CDK5RAP1: variants seen among roughly 807,000 people sequenced by gnomAD.
The protein encoded by CDK5RAP1 is mitochondrial tRNA methylthiotransferase CDK5RAP1.
CDK5RAP1 carries 62 observed loss-of-function variants against 64.5 expected under a neutral mutation model. The observed-to-expected ratio is 0.96, with a 90% CI of 0.78 to 1.19. CDK5RAP1 has a LOEUF of 1.19. Among genes scored for constraint, CDK5RAP1 ranks in the 50% most tolerant of loss-of-function variants. CDK5RAP1 has a pLI of 0.00. For synonymous variants in CDK5RAP1, 250 were observed against 261.9 expected, an observed-to-expected ratio of 0.95 and a Z score of 0.44; for missense variants, 657 against 735.0, an observed-to-expected ratio of 0.89 and a Z score of 1.23.
At position 33,395,948 on chromosome 20, in the gene CDK5RAP1, A is replaced by G. The variant is rs564793655; in HGVS notation, c.304+813T>C. 3.3e-5 allele frequency among the ~76,000 whole-genome samples: 5 copies of G among 152,252 alleles called. No individual in the cohort carries two copies. The South Asian group carries it at 1.0e-3, about 32-fold the overall frequency. Reference sequence around the variant, plus strand: ...AGAATCACTTGAAGCCAGGAGGCAGAGGTTGCAGTGAGCTGAGATCGCACC... The same window carrying G: ...AGAATCACTTGAAGCCAGGAGGCAGGGGTTGCAGTGAGCTGAGATCGCACC... On this transcript the variant is annotated intron_variant, in intron 2 of 13. Transcript: ENST00000346416.
chr20:33,363,465 C>T (rs1225508360), intron 12 of CDK5RAP1, among the ~76,000 whole-genome samples: 1 of 152,160 alleles, frequency 6.6e-6, no homozygotes, highest in South Asian at 2.1e-4. Flanking sequence ...ACAAGATACA[C>T]ATTACAGTAT....
At chr20:33,397,429 C>G (rs754764718) in intron 1 of CDK5RAP1, among the ~76,000 whole-genome samples, 5 of 152,184 alleles carry the variant, frequency 3.3e-5, no homozygotes, top group Non-Finnish European at 7.4e-5. Flanking sequence ...TTACAGCAAT[C>G]CTAGGAAGCA....
At chr20:33,375,797 A>G (rs1444500978) in intron 8 of CDK5RAP1, among the ~76,000 whole-genome samples, 2 of 152,228 alleles carry the variant, frequency 1.3e-5, no homozygotes, top group Admixed American at 1.3e-4. Context: ...AATAAAAGTT[A>G]TATTTACTCT....
At chr20:33,390,224 T>C (rs1372332651) in intron 5 of CDK5RAP1, among the ~76,000 whole-genome samples, 2 of 150,204 alleles carry the variant, frequency 1.3e-5, no homozygotes, top group Admixed American at 1.3e-4. Flanking sequence ...CAGTGAGCCA[T>C]GATCACGCCA....
Position 33,396,826 on chromosome 20 carries a change from G to A in CDK5RAP1, c.239C>T (p.Ser80Phe), listed in dbSNP as rs1302938903. ...KSASAPQEKL[S>F]SEVEDPPPYL... Reference sequence around the variant, plus strand: ...GGGAGGTGGGTCTTCCACTTCTGAAGACAGCTTCTCCTGAGGAGCTGAGGC... The same window carrying A: ...GGGAGGTGGGTCTTCCACTTCTGAAAACAGCTTCTCCTGAGGAGCTGAGGC... Residue 80 changes from serine (S) to phenylalanine (F), a missense_variant, in exon 2 of 14, where the codon TCT (serine) becomes TTT (phenylalanine). Physicochemically the swap from Ser to Phe is radical, Grantham distance 155. Transcript: ENST00000346416. 3 of 1,614,108 alleles carry A rather than the reference G, an allele frequency of 1.9e-6. No individual in the cohort carries two copies. In the South Asian group the frequency reaches 3.3e-5, roughly 18 times the overall value.
chr20:33,360,414 C>G lies in CDK5RAP1; in HGVS notation c.1620G>C (p.Met540Ile). ...TGAGCCCAGGGTTATTGACATCCTC[C>G]ATCTCTGCATCAGGGAAGATCACCT... ...NLKVIFPDAE[M>I]EDVNNPGLRV... The change falls in exon 13 of 14, where the codon ATG becomes ATC. Residue 540 changes from methionine to isoleucine, a missense_variant. Coordinates refer to ENST00000346416, the MANE Select transcript of CDK5RAP1 (RefSeq NM_016408.4). The G allele has an allele frequency of 6.2e-7, 1 of 1,613,966 alleles. No homozygotes were observed. The highest frequency in any genetic ancestry group is 8.5e-7 in the Non-Finnish European group (1 of 1,179,846).
intron 1 of CDK5RAP1, among the ~76,000 whole-genome samples, chr20:33,397,319 G>A (rs1356112239): frequency 6.6e-6 from 1 of 152,176 alleles, no homozygotes; most frequent in Non-Finnish European, 1.5e-5. Flanking sequence ...CAAAACAAGG[G>A]GTGGTAGAGA....
intron 8 of CDK5RAP1, among the ~76,000 whole-genome samples, chr20:33,377,113 A>C (rs551570131): frequency 6.6e-6 from 1 of 152,290 alleles, no homozygotes; most frequent in South Asian, 2.1e-4. Flanking sequence ...AGGTGGGAGA[A>C]CTGCTTGAGG....
chr20:33,389,193 G>C lies in CDK5RAP1; in HGVS notation c.545-1660C>G, dbSNP rs551955743. On this transcript the variant is annotated intron_variant, in intron 5 of 13. Coordinates refer to ENST00000346416, the MANE Select transcript of CDK5RAP1 (RefSeq NM_016408.4). ...TAGGAAGTGAGCAGCGTCTCTGCCCGGCCACCCATCGTCTGAGATGTGGGG... is the reference window on the plus strand; with the variant it reads ...TAGGAAGTGAGCAGCGTCTCTGCCCCGCCACCCATCGTCTGAGATGTGGGG... Among the ~76,000 whole-genome samples the C allele has an allele frequency of 2.0e-4, 31 of 151,548 alleles. 1 individual carries two copies. In the East Asian group the frequency reaches 5.9e-3, roughly 29 times the overall value.
intron 12 of CDK5RAP1, among the ~76,000 whole-genome samples, chr20:33,362,356 T>A (rs1295211185): frequency 6.6e-6 from 1 of 152,102 alleles, no homozygotes; most frequent in Non-Finnish European, 1.5e-5. Context: ...GAATGATATC[T>A]CCAAAATGTC....
chr20:33,386,905 T>C (rs1275057074), intron 6 of CDK5RAP1, among the ~76,000 whole-genome samples: 4 of 152,130 alleles, frequency 2.6e-5, no homozygotes, highest in Non-Finnish European at 4.4e-5. Flanking sequence ...GGCATGCTTG[T>C]ATTCCAATAA....
rs143191886 is a variant in CDK5RAP1 at position 33,387,419 on chromosome 20, G to C, written c.659C>G (p.Ser220Trp). 1.9e-6 allele frequency: 3 copies of C among 1,614,090 alleles called. No homozygotes were observed. Residue 220 changes from serine to tryptophan, a missense_variant, in exon 6 of 14, where the codon TCG (serine) becomes TGG (tryptophan). Transcript: ENST00000346416. The part of the protein sequence containing the change: ...DLPRLLAVAE[S>W]GQQAANVLLS... ...CAGCACGTTGGCAGCTTGCTGGCCC[G>C]ACTCAGCAACAGCCAGCAGCCGGGG...
chr20:33,389,780 G>A (rs1485636858), intron 5 of CDK5RAP1, among the ~76,000 whole-genome samples: 4 of 152,190 alleles, frequency 2.6e-5, no homozygotes, highest in Non-Finnish European at 5.9e-5. Context: ...GAAATGTGGG[G>A]AAAAGATAGA....
At chr20:33,386,229 A>G (rs1243294986) in intron 6 of CDK5RAP1, among the ~76,000 whole-genome samples, 1 of 151,988 alleles carries the variant, frequency 6.6e-6, no homozygotes, top group South Asian at 2.1e-4. Flanking sequence ...ACGCCCGGCT[A>G]ATTTTTGTAT....
At chr20:33,389,881 G>A (rs193280569) in intron 5 of CDK5RAP1, among the ~76,000 whole-genome samples, 6 of 147,784 alleles carry the variant, frequency 4.1e-5, no homozygotes, top group Admixed American at 2.7e-4. Flanking sequence ...TCTGCCTTGG[G>A]AAAAAAAAAT....
chr20:33,387,580 G>C (rs760356403), intron 5 of CDK5RAP1, 47 bp from the exon 6 acceptor site: 1 of 1,449,004 alleles, frequency 6.9e-7, no homozygotes, highest in Non-Finnish European at 9.7e-7. Context: ...TCCACCTGGT[G>C]TTTAATGGCT....
intron 8 of CDK5RAP1, among the ~76,000 whole-genome samples, chr20:33,375,887 G>C (rs184808700): frequency 5.3e-5 from 8 of 152,102 alleles, no homozygotes; most frequent in Non-Finnish European, 1.2e-4. Flanking sequence ...ATCGAGATAG[G>C]GTTTCACTCT....
At chr20:33,400,411 C>G (rs1989292898) in intron 1 of CDK5RAP1, among the ~76,000 whole-genome samples, 1 of 152,188 alleles carries the variant, frequency 6.6e-6, no homozygotes, top group Admixed American at 6.5e-5. Flanking sequence ...AAAATCGCCC[C>G]TTTCTACTCC....
chr20:33,389,343 C>T (rs1215530715), intron 5 of CDK5RAP1, among the ~76,000 whole-genome samples: 6 of 151,570 alleles, frequency 4.0e-5, no homozygotes, highest in African/African-American at 1.2e-4. Flanking sequence ...AGCCCCTCCG[C>T]GCGGCAGCCG....
Sources: gnomAD v4.1 joint callset for allele counts (sites outside exome capture counted in the v4.1 genomes callset) on GRCh38, gnomAD v4.1.1 for gene constraint, MANE v1.5 for transcripts, NCBI Gene and HGNC (gene_info 2026-07-23, HGNC 2026-07-21) for gene names.